UNC5A: variants seen among roughly 807,000 people sequenced by gnomAD.
UNC5A encodes netrin receptor UNC5A.
Under a neutral mutation model 87.4 loss-of-function variants are expected in UNC5A, and 20 were observed. The ratio of observed to expected loss-of-function variants is 0.23; its 90% CI spans 0.16 to 0.33. UNC5A has a LOEUF of 0.33. Among genes scored for constraint, UNC5A ranks in the 10% least tolerant of loss-of-function variants. The pLI is 1.00. For synonymous variants in UNC5A, 438 were observed against 482.3 expected (o/e 0.91, Z 1.20); for missense variants, 844 against 1,133.4 (o/e 0.74, Z 3.67).
At chr5:176,837,197 C>T (rs146475212) in intron 1 of UNC5A, among the ~76,000 whole-genome samples, 1 of 152,268 alleles carries the variant, frequency 6.6e-6, no homozygotes, top group Non-Finnish European at 1.5e-5. Flanking sequence ...CCATACCTCA[C>T]TCTCACAGTG....
rs1342699019 is a variant in UNC5A at position 176,879,959 on chromosome 5, G to A, written c.*73G>A. 1.8e-5 allele frequency: 28 copies of A among 1,519,338 alleles called. No homozygotes were observed. The highest frequency in any genetic ancestry group is 4.1e-5 in the African/African-American group (3 of 72,604). 94.1% of individuals were successfully genotyped at this position (1,519,338 alleles called of 1,614,324 possible). ...CAAGGACAGGCAGAAGCCGGACAGG[G>A]GCCCTTCCCCACACCGGGGAGAGCT... On this transcript the variant is annotated 3_prime_UTR_variant, in exon 15 of 15. Coordinates refer to ENST00000329542, the MANE Select transcript of UNC5A (RefSeq NM_133369.3).
At chr5:176,864,449 G>A (rs151133037) in intron 2 of UNC5A, among the ~76,000 whole-genome samples, 2,706 of 152,332 alleles carry the variant, frequency 0.018, 86 homozygotes, top group Admixed American at 0.087. Context: ...CAGGGAGAAC[G>A]GTTTGGAAGC....
Position 176,877,529 on chromosome 5 carries a change from C to G in UNC5A, c.1467-6C>G. 6.3e-7 allele frequency: 1 copy of G among 1,582,016 alleles called. No homozygotes were observed. Among genetic ancestry groups the G allele is most frequent in the Non-Finnish European group, 8.6e-7 (1 of 1,159,894 alleles). ...TTCCCTCCCCACCCATATTTCCCCA[C>G]TTGAGGTTGCCCCTAGCTGGCTGTC... On this transcript the variant is annotated splice_polypyrimidine_tract_variant and splice_region_variant and intron_variant, in intron 9 of 14. Transcript: ENST00000329542.
chr5:176,818,774 C>T (rs1008956480), intron 1 of UNC5A, among the ~76,000 whole-genome samples: 1 of 152,202 alleles, frequency 6.6e-6, no homozygotes, highest in Non-Finnish European at 1.5e-5. Flanking sequence ...TCTGTGTGGC[C>T]TCAAGTGAAC....
Position 176,857,426 on chromosome 5 carries a change from C to T in UNC5A, c.71-5198C>T, listed in dbSNP as rs536337290. ...GTCTCTTGCCTCCCATTGCCACCGGCCCCGGGGACTCATCTGCTTCCCCTC... is the reference window on the plus strand; with the variant it reads ...GTCTCTTGCCTCCCATTGCCACCGGTCCCGGGGACTCATCTGCTTCCCCTC... On this transcript the variant is annotated intron_variant, in intron 1 of 14. Transcript: ENST00000329542. 5.3e-5 allele frequency among the ~76,000 whole-genome samples: 8 copies of T among 152,318 alleles called. No homozygotes were observed. The East Asian group carries it at 1.5e-3, about 29-fold the overall frequency.
At chr5:176,876,192 A>G (rs888838015) in intron 8 of UNC5A, among the ~76,000 whole-genome samples, 2 of 152,172 alleles carry the variant, frequency 1.3e-5, no homozygotes, top group African/African-American at 4.8e-5. Flanking sequence ...TACCTTCCCC[A>G]TGGAGAGCCT....
rs139180356 is a variant in UNC5A at position 176,878,150 on chromosome 5, C to T, written c.1869+23C>T. On this transcript the variant is annotated intron_variant, in intron 11 of 14. Coordinates refer to ENST00000329542, the MANE Select transcript of UNC5A (RefSeq NM_133369.3). The stretch of plus-strand genomic sequence containing the variant: ...AAGGTATCTCCCGCCCCTCACCCCC[C>T]GCCGCTGGGAGGCCGAGCTATGCCT... 974 of 1,604,258 alleles carry T rather than the reference C, an allele frequency of 6.1e-4. 8 individuals are homozygous for T. In the African/African-American group the frequency reaches 0.012, roughly 19 times the overall value.
At chr5:176,816,329 A>G (rs762084479) in intron 1 of UNC5A, among the ~76,000 whole-genome samples, 1 of 152,266 alleles carries the variant, frequency 6.6e-6, no homozygotes, top group African/African-American at 2.4e-5. Context: ...CCCCTAGGCC[A>G]GGAATTGAGG....
At chr5:176,842,057 C>T (rs1005190350) in intron 1 of UNC5A, among the ~76,000 whole-genome samples, 1 of 152,090 alleles carries the variant, frequency 6.6e-6, no homozygotes, top group East Asian at 1.9e-4. Context: ...ATTAGCCGGG[C>T]GCGGTGGCGG....
At chr5:176,817,007 G>A (rs1272046994) in intron 1 of UNC5A, among the ~76,000 whole-genome samples, 3 of 152,242 alleles carry the variant, frequency 2.0e-5, no homozygotes, top group Non-Finnish European at 2.9e-5. Flanking sequence ...AAGTGGGAGA[G>A]GGGGAGCCAC....
At chr5:176,812,737 G>A (rs953345804) in intron 1 of UNC5A, among the ~76,000 whole-genome samples, 1 of 152,150 alleles carries the variant, frequency 6.6e-6, no homozygotes, top group Non-Finnish European at 1.5e-5. Flanking sequence ...AGGGGCTGAC[G>A]CAGAGCCTGC....
At chr5:176,834,680 T>TCTCTCTCG (rs1261835536) in intron 1 of UNC5A, among the ~76,000 whole-genome samples, 1 of 149,606 alleles carries the variant, frequency 6.7e-6, no homozygotes, top group East Asian at 2.0e-4. Context: ...TCTCTCTCTC[T>TCTCTCTCG]CTCTCTCTCT....
rs1227322173 is a variant in UNC5A at position 176,869,284 on chromosome 5, A to G, written c.721+320A>G. On this transcript the variant is annotated intron_variant, in intron 5 of 14. Coordinates refer to ENST00000329542, the MANE Select transcript of UNC5A (RefSeq NM_133369.3). The surrounding 1 kb of genome is among the most constrained non-coding windows in gnomAD (Gnocchi z 9.1). ...CTCCAAGGGGGGAATCAGAAGCCAC[A>G]CAGTCCAGGCACCCCCAGGAGCCAG... Among the ~76,000 whole-genome samples, 1 of 152,106 alleles carries G rather than the reference A, an allele frequency of 6.6e-6. No homozygotes were observed. Among genetic ancestry groups the G allele is most frequent in the Non-Finnish European group, 1.5e-5 (1 of 67,988 alleles).
intron 2 of UNC5A, chr5:176,864,693 A>G (rs1180332273): frequency 2.8e-6 from 1 of 360,798 alleles, no homozygotes; most frequent in Non-Finnish European, 5.6e-6. Flanking sequence ...CCTTGGCCTG[A>G]CTGCAGCTTC....
chr5:176,845,728 G>T (rs1240735491), intron 1 of UNC5A, among the ~76,000 whole-genome samples: 1 of 152,218 alleles, frequency 6.6e-6, no homozygotes, highest in Non-Finnish European at 1.5e-5. Context: ...GTCCAGAAGG[G>T]CACCCACCAG....
rs753906479 is a variant in UNC5A at position 176,877,988 on chromosome 5, G to T, written c.1730G>T (p.Arg577Leu). Residue 577 changes from arginine (R) to leucine (L), a missense_variant, in exon 11 of 15, where the codon CGC becomes CTC. Transcript: ENST00000329542. ...TACGTCTTCACCGAGCAGCTGGGCCGCTTTGCCCTGGTGGGAGAGGCCCTC... is the reference window on the plus strand; with the variant it reads ...TACGTCTTCACCGAGCAGCTGGGCCTCTTTGCCCTGGTGGGAGAGGCCCTC... The part of the protein sequence containing the change: ...ACYVFTEQLG[R>L]FALVGEALSV... 4 of 1,605,882 alleles carry T rather than the reference G, an allele frequency of 2.5e-6. No individual in the cohort carries two copies. Among genetic ancestry groups the T allele is most frequent in the Non-Finnish European group, 3.4e-6 (4 of 1,179,926 alleles).
At chr5:176,868,062 G>A (rs892296161) in intron 2 of UNC5A, 68 bp from the exon 3 acceptor site, 41 of 1,495,410 alleles carry the variant, frequency 2.7e-5, no homozygotes, top group Admixed American at 2.7e-4. Context: ...TGAGGGTGGC[G>A]CAGGAACCCA....
At chr5:176,816,314 C>T (rs1756586579) in intron 1 of UNC5A, among the ~76,000 whole-genome samples, 1 of 152,248 alleles carries the variant, frequency 6.6e-6, no homozygotes, top group Non-Finnish European at 1.5e-5. Flanking sequence ...GGGACTGAGT[C>T]CCAACCCCTA....
chr5:176,873,935 C>A, intron 6 of UNC5A, 33 bp from the exon 7 acceptor site: 2 of 1,603,330 alleles, frequency 1.2e-6, no homozygotes, highest in South Asian at 1.1e-5. Flanking sequence ...TCCTACACCC[C>A]TGCCCCCACC....
Sources: gnomAD v4.1 joint callset for allele counts (sites outside exome capture counted in the v4.1 genomes callset) on GRCh38, gnomAD v4.1.1 for gene constraint, Gnocchi (gnomAD v3.1) non-coding constraint, MANE v1.5 for transcripts, NCBI Gene and HGNC (gene_info 2026-07-23, HGNC 2026-07-21) for gene names.